The following RSRC1 variants were observed in gnomAD, a reference collection of about 807,000 sequenced individuals.
RSRC1 encodes serine/Arginine-related protein 53.
A neutral mutation model predicts 49.1 loss-of-function variants in RSRC1; 39 were observed. The observed-to-expected ratio is 0.79, with a 90% confidence interval of 0.61 to 1.04. The LOEUF (loss-of-function observed/expected upper bound fraction) is 1.04, where lower values mean the gene tolerates loss of function less well. RSRC1 is among the 50% of genes least tolerant of loss of function. The pLI, the probability that RSRC1 is intolerant of heterozygous loss-of-function variation, is 0.00. For missense variants in RSRC1, 388 were observed against 402.4 expected (o/e 0.96, Z 0.31); for synonymous variants, 143 against 130.8 (o/e 1.09, Z -0.63).
intron 6 of RSRC1, among the ~76,000 whole-genome samples, chr3:158,452,598 A>G (rs1391181536): frequency 2.0e-5 from 3 of 152,316 alleles, no homozygotes; most frequent in Non-Finnish European, 2.9e-5. Flanking sequence ...GTGAAATGCC[A>G]TAGTGTCTTG....
At chr3:158,221,541 T>A (rs1397963844) in intron 4 of RSRC1, among the ~76,000 whole-genome samples, 2 of 151,586 alleles carry the variant, frequency 1.3e-5, no homozygotes, top group Non-Finnish European at 3.0e-5. Flanking sequence ...ACCAATATTC[T>A]AGTGTTGCTG....
At chr3:158,384,486 A>T (rs1285559777) in intron 6 of RSRC1, among the ~76,000 whole-genome samples, 1 of 152,154 alleles carries the variant, frequency 6.6e-6, no homozygotes, top group Non-Finnish European at 1.5e-5. Flanking sequence ...ATAGCATGGC[A>T]CACTCAATGG....
intron 6 of RSRC1, among the ~76,000 whole-genome samples, chr3:158,390,561 TTTA>T (rs1733224084): frequency 6.6e-6 from 1 of 152,052 alleles, no homozygotes; most frequent in African/African-American, 2.4e-5. Context: ...TTATGGAGCA[TTTA>T]TTATTTACTA....
chr3:158,465,882 C>G (rs1737863514), intron 7 of RSRC1, among the ~76,000 whole-genome samples: 1 of 151,994 alleles, frequency 6.6e-6, no homozygotes, highest in South Asian at 2.1e-4. Flanking sequence ...ATCTGCTTAG[C>G]CTGAATACAT....
chr3:158,440,490 G>A (rs1177229479), intron 6 of RSRC1, among the ~76,000 whole-genome samples: 11 of 151,978 alleles, frequency 7.2e-5, no homozygotes, highest in East Asian at 1.9e-4. Flanking sequence ...TTTCCCAAAC[G>A]AACCAAAATT....
chr3:158,485,524 T>C (rs1225369330), intron 7 of RSRC1, among the ~76,000 whole-genome samples: 1 of 152,128 alleles, frequency 6.6e-6, no homozygotes, highest in East Asian at 1.9e-4. Context: ...TCTTTTCCTG[T>C]GAATTAAAAC....
At chr3:158,330,067 G>T (rs1391588284) in intron 5 of RSRC1, among the ~76,000 whole-genome samples, 3 of 152,250 alleles carry the variant, frequency 2.0e-5, no homozygotes, top group Non-Finnish European at 4.4e-5. Flanking sequence ...TGTGCCGTTT[G>T]CTAAGACCCT....
At chr3:158,194,224 C>T (rs868072161) in intron 3 of RSRC1, among the ~76,000 whole-genome samples, 27 of 151,158 alleles carry the variant, frequency 1.8e-4, no homozygotes, top group Admixed American at 1.6e-3. Context: ...CAGTAAGATA[C>T]GATCATCCTG....
intron 1 of RSRC1, among the ~76,000 whole-genome samples, chr3:158,121,377 C>T (rs1715250352): frequency 1.3e-5 from 2 of 151,902 alleles, no homozygotes; most frequent in Admixed American, 1.3e-4. Context: ...ATTATATCTG[C>T]TTAATTTATT....
intron 7 of RSRC1, among the ~76,000 whole-genome samples, chr3:158,496,232 A>G (rs985133143): frequency 1.3e-5 from 2 of 152,272 alleles, no homozygotes; most frequent in African/African-American, 4.8e-5. Flanking sequence ...TGTATTTGTC[A>G]TATTTTTGCA....
chr3:158,391,437 G>T (rs1050216984), intron 6 of RSRC1, among the ~76,000 whole-genome samples: 2 of 152,114 alleles, frequency 1.3e-5, no homozygotes, highest in African/African-American at 4.8e-5. Context: ...CCTACCACTT[G>T]CCAGGAGGAA....
At chr3:158,356,722 T>C (rs1731182635) in intron 6 of RSRC1, among the ~76,000 whole-genome samples, 1 of 152,122 alleles carries the variant, frequency 6.6e-6, no homozygotes, top group Non-Finnish European at 1.5e-5. Flanking sequence ...AATTGAGTAT[T>C]CCAGCTCATA....
intron 3 of RSRC1, among the ~76,000 whole-genome samples, chr3:158,164,806 G>A (rs552573080): frequency 9.2e-5 from 14 of 152,032 alleles, no homozygotes; most frequent in African/African-American, 3.1e-4. Flanking sequence ...AAGAGAAGGG[G>A]CCAAAGCTAA....
chr3:158,234,421 A>C (rs1724677), intron 4 of RSRC1, among the ~76,000 whole-genome samples: 1 of 151,942 alleles, frequency 6.6e-6, no homozygotes, highest in East Asian at 1.9e-4. Flanking sequence ...TATATAAAAA[A>C]CATTATTTAG....
At chr3:158,423,633 T>TGGGG (rs922781767) in intron 6 of RSRC1, among the ~76,000 whole-genome samples, 13 of 152,286 alleles carry the variant, frequency 8.5e-5, no homozygotes, top group African/African-American at 3.1e-4. Context: ...GGTAGCTTGA[T>TGGGG]GGGGATGGCA....
chr3:158,483,575 G>A (rs1738701605), intron 7 of RSRC1, among the ~76,000 whole-genome samples: 1 of 152,018 alleles, frequency 6.6e-6, no homozygotes, highest in Non-Finnish European at 1.5e-5. Flanking sequence ...TTTAAATATT[G>A]ATGCTTACTT....
At chr3:158,183,815 C>T (rs1009856774) in intron 3 of RSRC1, among the ~76,000 whole-genome samples, 7 of 151,800 alleles carry the variant, frequency 4.6e-5, no homozygotes, top group Non-Finnish European at 8.8e-5. Context: ...ACTCGGGGGG[C>T]TGATGGGGGA....
At chr3:158,433,469 A>G (rs901950958) in intron 6 of RSRC1, among the ~76,000 whole-genome samples, 2 of 151,968 alleles carry the variant, frequency 1.3e-5, no homozygotes, top group Admixed American at 6.6e-5. Context: ...GCAAAAGGAT[A>G]TATTTCGTTG....
At chr3:158,516,561 C>T (rs1740549113) in intron 7 of RSRC1, among the ~76,000 whole-genome samples, 1 of 152,150 alleles carries the variant, frequency 6.6e-6, no homozygotes, top group African/African-American at 2.4e-5. Flanking sequence ...TTGTCTGTGC[C>T]CTGCCCCCAG....
Sources: gnomAD v4.1 joint callset for allele counts (sites outside exome capture counted in the v4.1 genomes callset) on GRCh38, gnomAD v4.1.1 for gene constraint, MANE v1.5 for transcripts, NCBI Gene and HGNC (gene_info 2026-07-23, HGNC 2026-07-21) for gene names.